Variants in KCNN2 observed in about 807,000 individuals in gnomAD.
KCNN2 encodes small conductance calcium-activated potassium channel protein 2.
A neutral mutation model predicts 55.5 loss-of-function variants in KCNN2; 24 were observed. The observed-to-expected ratio is 0.43, with a 90% CI of 0.31 to 0.61. The LOEUF (loss-of-function observed/expected upper bound fraction) is 0.61. KCNN2 is among the 20% of genes least tolerant of loss of function. The probability of loss-of-function intolerance (pLI) is 0.08; values close to 1 mark genes in which losing one functional copy is unlikely to be tolerated. For synonymous variants in KCNN2, 431 were observed against 336.1 expected, an observed-to-expected ratio of 1.28 and a Z score of -3.09; for missense variants, 754 against 853.6, an observed-to-expected ratio of 0.88 and a Z score of 1.45.
rs139558639 is a variant in KCNN2, at chr5:114,204,750, GT to G, written c.-270-16729del. On this transcript the variant is annotated intron_variant, in intron 1 of 10. Transcript: ENST00000512097. ...AGCCTCTAAAAGCCCATGTGGCTTT[GT>G]GGAGTAGAGATGTAAATTGGCCTGA... Among the ~76,000 whole-genome samples the G allele has an allele frequency of 6.6e-3, 1,002 of 152,344 alleles. 12 individuals are homozygous for G. The highest frequency in any genetic ancestry group is 0.022 in the African/African-American group (910 of 41,582).
Position 114,155,698 on chromosome 5 carries a change from G to A in KCNN2, c.-270-65782G>A, listed in dbSNP as rs1752617641. On this transcript the variant is annotated intron_variant, in intron 1 of 10. Transcript: ENST00000512097. Reference sequence around the variant, plus strand: ...TGTATATCTTCTTTTCAAAAACGTCGGTTCATGTCCTTTGCCCACTTTTTA... The same window carrying A: ...TGTATATCTTCTTTTCAAAAACGTCAGTTCATGTCCTTTGCCCACTTTTTA... Among the ~76,000 whole-genome samples the A allele has an allele frequency of 2.6e-5, 4 of 151,886 alleles. No homozygotes were observed. The South Asian group carries it at 6.2e-4, about 24-fold the overall frequency.
chr5:114,369,350 A>G (rs529592310), intron 2 of KCNN2, among the ~76,000 whole-genome samples: 1 of 152,316 alleles, frequency 6.6e-6, no homozygotes, highest in South Asian at 2.1e-4. Context: ...CTGCCAGCAA[A>G]TGGAGTTATC....
At chr5:114,353,998 A>G (rs1201828443) in intron 2 of KCNN2, among the ~76,000 whole-genome samples, 1 of 151,740 alleles carries the variant, frequency 6.6e-6, no homozygotes, top group African/African-American at 2.4e-5. Context: ...ATTTCTTTGA[A>G]TATTTTTTCT....
intron 2 of KCNN2, among the ~76,000 whole-genome samples, chr5:114,283,367 C>T (rs909777439): frequency 1.3e-5 from 2 of 152,056 alleles, no homozygotes; most frequent in Non-Finnish European, 2.9e-5. Flanking sequence ...TTTTTCAGTT[C>T]TATTATTTCT....
chr5:114,120,936 T>C (rs1036732926), intron 1 of KCNN2, among the ~76,000 whole-genome samples: 3 of 152,240 alleles, frequency 2.0e-5, no homozygotes, highest in East Asian at 3.9e-4. Flanking sequence ...TAGGGAGCAG[T>C]ACTTCCCTTA....
At chr5:114,446,906 G>A (rs1213468297) in intron 3 of KCNN2, among the ~76,000 whole-genome samples, 5 of 152,058 alleles carry the variant, frequency 3.3e-5, no homozygotes, top group Admixed American at 6.6e-5. Flanking sequence ...TGTCTCAGTC[G>A]ATCAATCAAT....
At chr5:114,202,875 C>CCA in intron 1 of KCNN2, among the ~76,000 whole-genome samples, 1 of 152,144 alleles carries the variant, frequency 6.6e-6, no homozygotes, top group South Asian at 2.1e-4. Context: ...CGTGAGCCAC[C>CCA]GCACCCAGCT....
intron 2 of KCNN2, among the ~76,000 whole-genome samples, chr5:114,238,235 T>G (rs1185027313): frequency 6.6e-6 from 1 of 152,236 alleles, no homozygotes; most frequent in Non-Finnish European, 1.5e-5. Flanking sequence ...TTCAAAAGAT[T>G]TCCATTGTGG....
In KCNN2 at chr5:114,112,071, A is replaced by G. The variant is rs556122002; in HGVS notation, c.-271+55571A>G. ...CTATTCACAGTAGCAAAGAAGTGGAACCAACCTAAATGTCCATGAATGATA... is the reference window on the plus strand; with the variant it reads ...CTATTCACAGTAGCAAAGAAGTGGAGCCAACCTAAATGTCCATGAATGATA... On this transcript the variant is annotated intron_variant, in intron 1 of 10. Coordinates refer to the KCNN2 transcript ENST00000512097. Among the ~76,000 whole-genome samples the G allele has an allele frequency of 2.6e-5, 4 of 152,324 alleles. No individual in the cohort carries two copies. In the East Asian group the frequency reaches 7.7e-4, roughly 29 times the overall value.
Position 114,477,524 on chromosome 5 carries a change from G to C in KCNN2, c.1890+4360G>C, listed in dbSNP as rs186548905. On this transcript the variant is annotated intron_variant, in intron 5 of 7. Transcript: ENST00000673685. ...ATTCAAAAATGGCCGACAGGTACAT[G>C]TGTCCAGAACAAACTAATGATTTTG... Among the ~76,000 whole-genome samples, 311 of 152,136 alleles carry C rather than the reference G, an allele frequency of 2.0e-3. 2 individuals carry two copies. Among genetic ancestry groups the C allele is most frequent in the Admixed American group, 9.0e-3 (137 of 15,270 alleles).
intron 1 of KCNN2, among the ~76,000 whole-genome samples, chr5:114,142,757 G>A (rs1353057593): frequency 6.6e-6 from 1 of 152,166 alleles, no homozygotes. Context: ...TCATACATAG[G>A]AAGAATCAAT....
intron 1 of KCNN2, 150 bp downstream of exon 1, chr5:114,363,411 A>G (rs1247243831): frequency 7.0e-6 from 7 of 1,002,404 alleles, no homozygotes; most frequent in Non-Finnish European, 9.9e-6. Flanking sequence ...TAGGACGCGC[A>G]TCCGTAGTCA....
chr5:114,173,767 T>C (rs1753085694), intron 1 of KCNN2, among the ~76,000 whole-genome samples: 1 of 151,892 alleles, frequency 6.6e-6, no homozygotes, highest in African/African-American at 2.4e-5. Flanking sequence ...TTTGATGTTA[T>C]AGAATATTTT....
At chr5:114,137,238 A>G (rs1219631631) in intron 1 of KCNN2, among the ~76,000 whole-genome samples, 2 of 152,170 alleles carry the variant, frequency 1.3e-5, no homozygotes, top group East Asian at 1.9e-4. Flanking sequence ...AATGTCTTCA[A>G]TGTGGGTTGC....
intron 2 of KCNN2, among the ~76,000 whole-genome samples, chr5:114,386,480 T>C (rs2150060627): frequency 6.6e-6 from 1 of 152,350 alleles, no homozygotes; most frequent in African/African-American, 2.4e-5. Flanking sequence ...AAATTTGTTA[T>C]GTAGAAATAT....
chr5:114,396,045 A>C (rs1416757110), intron 2 of KCNN2, among the ~76,000 whole-genome samples: 1 of 152,104 alleles, frequency 6.6e-6, no homozygotes, highest in Non-Finnish European at 1.5e-5. Flanking sequence ...GAAACCTTTT[A>C]TTTCTTACAT....
intron 5 of KCNN2, 66 bp downstream of exon 5, chr5:114,473,230 G>T: frequency 9.3e-7 from 1 of 1,079,916 alleles, no homozygotes; most frequent in Non-Finnish European, 1.4e-6. Context: ...TAGGAAATAT[G>T]GTTTTTATTT....
chr5:114,214,576 A>G (rs1056384969), intron 1 of KCNN2, among the ~76,000 whole-genome samples: 4 of 152,102 alleles, frequency 2.6e-5, no homozygotes, highest in Non-Finnish European at 4.4e-5. Flanking sequence ...GGTAGATTCT[A>G]GTAGCACTGG....
chr5:114,300,415 A>T (rs111646533), intron 2 of KCNN2, among the ~76,000 whole-genome samples: 3,924 of 152,278 alleles, frequency 0.026, 175 homozygotes, highest in African/African-American at 0.09. Context: ...TAATTAAAGC[A>T]ATTACATTGG....
Sources: allele counts gnomAD v4.1 joint callset (sites outside exome capture counted in the v4.1 genomes callset), GRCh38; gene constraint gnomAD v4.1.1; transcripts MANE v1.5; gene names NCBI Gene and HGNC (gene_info 2026-07-23, HGNC 2026-07-21).